The following PCDH15 variants were observed in gnomAD, a reference collection of about 807,000 sequenced individuals.
PCDH15 encodes protocadherin related 15.
PCDH15 carries 129 observed loss-of-function variants against 178.5 expected under a neutral mutation model. The observed-to-expected ratio is 0.72, with a 90% confidence interval of 0.63 to 0.84. PCDH15 has a LOEUF of 0.84. PCDH15 is among the 40% of genes least tolerant of loss of function. PCDH15 has a pLI of 0.00. For synonymous variants in PCDH15, 800 were observed against 732.0 expected, an observed-to-expected ratio of 1.09 and a Z score of -1.50; for missense variants, 2,230 against 2,099.9, an observed-to-expected ratio of 1.06 and a Z score of -1.21.
chr10:55,542,489 C>T (rs1404362032), intron 2 of PCDH15, among the ~76,000 whole-genome samples: 3 of 150,034 alleles, frequency 2.0e-5, no homozygotes, highest in African/African-American at 4.9e-5. Context: ...TTTTGTGGAT[C>T]AAAAATTACA....
intron 2 of PCDH15, among the ~76,000 whole-genome samples, chr10:55,094,783 A>C (rs2246354): frequency 6.6e-6 from 1 of 151,716 alleles, no homozygotes; most frequent in Non-Finnish European, 1.5e-5. Flanking sequence ...AGTGCTTACA[A>C]ATAATTTCAT....
intron 8 of PCDH15, among the ~76,000 whole-genome samples, chr10:54,260,215 G>T (rs1404593111): frequency 6.6e-6 from 1 of 151,936 alleles, no homozygotes; most frequent in South Asian, 2.1e-4. Flanking sequence ...GTTTTGTCAC[G>T]AGTTTTATTA....
intron 2 of PCDH15, among the ~76,000 whole-genome samples, chr10:54,557,883 G>C (rs2087513776): frequency 6.6e-6 from 1 of 151,914 alleles, no homozygotes; most frequent in South Asian, 2.1e-4. Context: ...TTTAATTTAG[G>C]CATTTTTGGC....
chr10:54,137,193 GC>G (rs144135235), intron 14 of PCDH15, among the ~76,000 whole-genome samples: 2,350 of 152,200 alleles, frequency 0.015, 76 homozygotes, highest in African/African-American at 0.054. Context: ...AACACTTTAC[GC>G]AAGCATTTTG....
intron 2 of PCDH15, among the ~76,000 whole-genome samples, chr10:55,487,126 A>G (rs568351936): frequency 6.6e-6 from 1 of 151,832 alleles, no homozygotes; most frequent in Non-Finnish European, 1.5e-5. Context: ...TATGATATTT[A>G]TAAGCCAAAT....
intron 3 of PCDH15, among the ~76,000 whole-genome samples, chr10:54,894,409 C>G (rs1217180421): frequency 6.6e-6 from 1 of 152,044 alleles, no homozygotes. Flanking sequence ...GAGAGGCATA[C>G]AGAAATTATT....
At chr10:54,804,415 A>C (rs1469131335), upstream of PCDH15, among the ~76,000 whole-genome samples, 4 of 152,196 alleles carry the variant, frequency 2.6e-5, no homozygotes, top group African/African-American at 9.7e-5. Flanking sequence ...GTCCATATTC[A>C]TAAATACTGG....
At position 55,578,626 on chromosome 10, in the gene PCDH15, G is replaced by A. The variant is rs187874358; in HGVS notation, c.-156+48999C>T. ...ACGTTGATTTTAGTTTTAATTCAAT[G>A]TGTGTATTAGTTCGTTCTCACACTG... On this transcript the variant is annotated intron_variant, in intron 2 of 5. Transcript: ENST00000613346. Among the ~76,000 whole-genome samples the A allele has an allele frequency of 4.6e-5, 7 of 152,230 alleles. No homozygotes were observed. The South Asian group carries it at 6.2e-4, about 14-fold the overall frequency.
At chr10:54,331,991 A>T (rs1157832535) in intron 6 of PCDH15, among the ~76,000 whole-genome samples, 1 of 151,558 alleles carries the variant, frequency 6.6e-6, no homozygotes, top group Non-Finnish European at 1.5e-5. Context: ...AGGTTATAGA[A>T]GTTTCTGTCA....
intron 2 of PCDH15, among the ~76,000 whole-genome samples, chr10:54,978,750 C>T (rs1211412076): frequency 1.3e-5 from 2 of 152,048 alleles, no homozygotes; most frequent in South Asian, 2.1e-4. Context: ...CCATAATTGG[C>T]CCCCCTCAAC....
intron 2 of PCDH15, among the ~76,000 whole-genome samples, chr10:54,593,214 G>T (rs1418927694): frequency 1.3e-5 from 2 of 151,998 alleles, no homozygotes; most frequent in Non-Finnish European, 2.9e-5. Context: ...TGTTGCCTGT[G>T]CTTTTGCTCT....
intron 1 of PCDH15, among the ~76,000 whole-genome samples, chr10:55,281,640 T>C (rs1842736463): frequency 6.6e-6 from 1 of 152,124 alleles, no homozygotes; most frequent in South Asian, 2.1e-4. Flanking sequence ...TATATGACAA[T>C]GACTCGCACA....
intron 3 of PCDH15, among the ~76,000 whole-genome samples, chr10:54,513,567 C>T (rs1402510912): frequency 6.6e-6 from 1 of 152,002 alleles, no homozygotes; most frequent in African/African-American, 2.4e-5. Flanking sequence ...TCATTGTAGA[C>T]ATGACAATGC....
At chr10:54,796,314 CTATCT>C (rs1358881085) in intron 1 of PCDH15, among the ~76,000 whole-genome samples, 47 of 150,418 alleles carry the variant, frequency 3.1e-4, no homozygotes, top group African/African-American at 1.1e-3. Context: ...ATCTATCTAT[CTATCT>C]ATCATCATCA....
At chr10:55,614,915 A>T (rs1843444167) in intron 2 of PCDH15, among the ~76,000 whole-genome samples, 1 of 152,162 alleles carries the variant, frequency 6.6e-6, no homozygotes, top group Admixed American at 6.5e-5. Flanking sequence ...TGTTCTACAC[A>T]AATAACAGCA....
intron 26 of PCDH15, among the ~76,000 whole-genome samples, chr10:53,889,536 TAAAA>T (rs113275569): frequency 8.1e-5 from 12 of 147,242 alleles, no homozygotes; most frequent in African/African-American, 2.9e-4. Flanking sequence ...TCACAGTGAC[TAAAA>T]AAAAAAATCA....
chr10:54,422,483 G>C (rs1321450585), intron 3 of PCDH15, among the ~76,000 whole-genome samples: 1 of 152,112 alleles, frequency 6.6e-6, no homozygotes, highest in Non-Finnish European at 1.5e-5. Context: ...ATTTAATAAA[G>C]GAGCAAGAAG....
chr10:53,981,608 C>T (rs989698140), intron 21 of PCDH15, among the ~76,000 whole-genome samples: 50 of 151,164 alleles, frequency 3.3e-4, no homozygotes, highest in Admixed American at 1.4e-3. Context: ...GGAAAACTGG[C>T]TAGCCATATG....
At chr10:54,327,560 C>T (rs1263885387) in intron 7 of PCDH15, among the ~76,000 whole-genome samples, 2 of 151,848 alleles carry the variant, frequency 1.3e-5, no homozygotes, top group Admixed American at 6.6e-5. Context: ...TTTCTATCTA[C>T]ATATCCCTAA....
Sources: gnomAD v4.1 joint callset for allele counts (sites outside exome capture counted in the v4.1 genomes callset) on GRCh38, gnomAD v4.1.1 for gene constraint, MANE v1.5 for transcripts, NCBI Gene and HGNC (gene_info 2026-07-23, HGNC 2026-07-21) for gene names.